ZBED6: variants seen among roughly 807,000 people sequenced by gnomAD.
ZBED6 encodes zinc finger BED domain-containing protein 6.
In ZBED6, 40 loss-of-function variants were observed where a neutral mutation model predicts 58.4. That is an observed-to-expected ratio of 0.68 (90% confidence interval 0.53 to 0.89). The LOEUF (loss-of-function observed/expected upper bound fraction) is 0.89, where lower values mean the gene tolerates loss of function less well. Among genes scored for constraint, ZBED6 ranks in the 40% least tolerant of loss-of-function variants. The probability of loss-of-function intolerance (pLI) is 0.00; values close to 1 mark genes in which losing one functional copy is unlikely to be tolerated. For synonymous variants in ZBED6, 439 were observed against 350.6 expected (o/e 1.25, Z -2.82); for missense variants, 1,057 against 1,003.9 (o/e 1.05, Z -0.71).
In ZBED6 at chr1:203,797,713, GAA is replaced by G; in HGVS notation, c.193_194del (p.Lys65GlufsTer6). 1 of 1,535,042 alleles carries G rather than the reference GAA, an allele frequency of 6.5e-7. No homozygotes were observed. The highest frequency in any genetic ancestry group is 8.7e-7 in the Non-Finnish European group (1 of 1,146,698). ...GCAAAACAGCCTGCTAAAAAGAAAA[GAA>G]AGAAGGGTTTGCGAATTAAGGGGAA... On this transcript the variant is annotated frameshift_variant, in exon 1 of 17. Coordinates refer to ENST00000550078, the Ensembl canonical transcript of ZBED6. LOFTEE classifies it high-confidence loss of function.
At chr1:203,808,823 C>T (rs1349921861) in intron 1 of ZBED6, among the ~76,000 whole-genome samples, 1 of 151,826 alleles carries the variant, frequency 6.6e-6, no homozygotes, top group Non-Finnish European at 1.5e-5. Context: ...TCATTATTAT[C>T]ATTATTTTAT....
At chr1:203,830,924 A>G (rs1176794173) in intron 7 of ZBED6, among the ~76,000 whole-genome samples, 1 of 89,894 alleles carries the variant, frequency 1.1e-5, no homozygotes, top group Non-Finnish European at 2.3e-5. Context: ...TCCAACCCCC[A>G]ATTTTTTTTT....
exon 17 of ZBED6, chr1:203,853,573 A>AGG (rs1310163026): frequency 6.6e-6 from 1 of 152,638 alleles, no homozygotes; most frequent in Non-Finnish European, 1.5e-5. Context: ...AGGAAGAGGA[A>AGG]GGAAGGACTT....
intron 3 of ZBED6, among the ~76,000 whole-genome samples, chr1:203,827,115 C>T (rs1680777097): frequency 6.6e-6 from 1 of 152,112 alleles, no homozygotes; most frequent in Admixed American, 6.5e-5. Flanking sequence ...TTGAGTATAG[C>T]AATGGTTTAT....
intron 1 of ZBED6, among the ~76,000 whole-genome samples, chr1:203,805,400 G>A (rs895612275): frequency 1.3e-5 from 2 of 151,986 alleles, no homozygotes; most frequent in African/African-American, 4.8e-5. Context: ...CAAAGTGCTG[G>A]GATTACAGGT....
chr1:203,844,205 A>T (rs1687271382), intron 11 of ZBED6, among the ~76,000 whole-genome samples: 1 of 151,284 alleles, frequency 6.6e-6, no homozygotes, highest in African/African-American at 2.4e-5. Context: ...ACTCTCATCC[A>T]GGCTGGAGTG....
At chr1:203,798,345 A>G (rs1669345562) in exon 1 of ZBED6, 2 of 1,535,652 alleles carry the variant, frequency 1.3e-6, no homozygotes, top group Admixed American at 2.0e-5. Context: ...TTTTTTTTAC[A>G]CTGATCCTCA....
At chr1:203,834,440 T>A (rs930133787) in intron 9 of ZBED6, among the ~76,000 whole-genome samples, 1 of 151,532 alleles carries the variant, frequency 6.6e-6, no homozygotes, top group Non-Finnish European at 1.5e-5. Flanking sequence ...CCTGGCTAAT[T>A]TTTGTATTTT....
intron 14 of ZBED6, 168 bp downstream of exon 14, chr1:203,850,194 A>G: frequency 1.4e-6 from 1 of 693,572 alleles, no homozygotes; most frequent in Non-Finnish European, 2.4e-6. Context: ...AAACGAGATG[A>G]ATTCTTTTCT....
chr1:203,827,347 A>G (rs1366923175), intron 3 of ZBED6, among the ~76,000 whole-genome samples: 1 of 149,066 alleles, frequency 6.7e-6, no homozygotes. Flanking sequence ...ATGCACAGGT[A>G]TTCTTTTTTT....
intron 9 of ZBED6, 42 bp downstream of exon 9, chr1:203,833,895 T>C: frequency 1.9e-6 from 3 of 1,579,776 alleles, no homozygotes; most frequent in Non-Finnish European, 2.6e-6. Flanking sequence ...TCTACTTGTT[T>C]GTGCATTAAC....
At chr1:203,843,794 G>T (rs1687134184) in intron 11 of ZBED6, among the ~76,000 whole-genome samples, 1 of 151,800 alleles carries the variant, frequency 6.6e-6, no homozygotes, top group Admixed American at 6.6e-5. Flanking sequence ...TTGGCACTTG[G>T]TGTTTTTATT....
At chr1:203,847,062 T>TAAGCAGAA in intron 11 of ZBED6, 122 bp from the exon 12 acceptor site, 1 of 1,096,180 alleles carries the variant, frequency 9.1e-7, no homozygotes, top group Non-Finnish European at 1.3e-6. Flanking sequence ...TTTTGATCCT[T>TAAGCAGAA]TTAATTGCCT....
chr1:203,818,452 C>G (rs1677119442), intron 2 of ZBED6, 118 bp from the exon 3 acceptor site: 3 of 1,343,022 alleles, frequency 2.2e-6, no homozygotes. Context: ...TGTTTTTTAC[C>G]TTACCAGTCC....
chr1:203,798,601 C>T (rs1343492359), exon 1 of ZBED6: 1 of 1,536,116 alleles, frequency 6.5e-7, no homozygotes. Flanking sequence ...GATTTAACAG[C>T]TGAGGACCTT....
chr1:203,831,580 G>GTTT, intron 7 of ZBED6, 81 bp from the exon 8 acceptor site: 4 of 1,182,888 alleles, frequency 3.4e-6, no homozygotes, highest in Non-Finnish European at 4.9e-6. Flanking sequence ...GGACTTAACT[G>GTTT]GTTACAAAAA....
At chr1:203,847,124 C>G in intron 11 of ZBED6, 60 bp from the exon 12 acceptor site, 1 of 1,572,462 alleles carries the variant, frequency 6.4e-7, no homozygotes, top group Non-Finnish European at 8.7e-7. Context: ...ATAGAGAGAT[C>G]ATAAGTCAGT....
At chr1:203,833,364 C>G (rs78404989) in intron 8 of ZBED6, among the ~76,000 whole-genome samples, 6 of 71,144 alleles carry the variant, frequency 8.4e-5, no homozygotes, top group African/African-American at 2.8e-4. Context: ...GACTCTGTCT[C>G]AAAAAAAAAA....
At chr1:203,809,367 G>A (rs2102601997) in intron 1 of ZBED6, among the ~76,000 whole-genome samples, 1 of 151,536 alleles carries the variant, frequency 6.6e-6, no homozygotes, top group South Asian at 2.1e-4. Context: ...AGTAGAGGCG[G>A]TGTTTCACCA....
Sources: gnomAD v4.1 joint callset for allele counts (sites outside exome capture counted in the v4.1 genomes callset) on GRCh38, gnomAD v4.1.1 for gene constraint, MANE v1.5 for transcripts, NCBI Gene and HGNC (gene_info 2026-07-23, HGNC 2026-07-21) for gene names.